The following KCNA2 variants were observed in gnomAD, a reference collection of about 807,000 sequenced individuals.
KCNA2 encodes potassium voltage-gated channel subfamily A member 2, also known as potassium channel, voltage gated shaker related subfamily A, member 2.
A neutral mutation model predicts 33.4 loss-of-function variants in KCNA2; 11 were observed. That is an observed-to-expected ratio of 0.33 (90% confidence interval 0.21 to 0.55). KCNA2 has a LOEUF of 0.55. KCNA2 is among the 20% of genes least tolerant of loss of function. KCNA2 has a pLI of 0.93. For synonymous variants in KCNA2, 222 were observed against 231.3 expected (o/e 0.96, Z 0.37); for missense variants, 291 against 621.6 (o/e 0.47, Z 5.66).
rs1427316190 is a variant in KCNA2 at position 110,601,298 on chromosome 1, G to C, written c.*1985C>G. 6.1e-6 allele frequency: 6 copies of C among 985,270 alleles called. No homozygotes were observed. The highest frequency in any genetic ancestry group is 7.2e-6 in the Non-Finnish European group (6 of 829,932). The allele number at this position is 985,270 out of a possible 1,614,324, so 61.0% of individuals were successfully genotyped here. ...TCCACATAGAGGAGGCTCCCTTTAG[G>C]TCCAGATCAGTGGAATTTGGTCCCA... On this transcript the variant is annotated 3_prime_UTR_variant, in exon 3 of 3. Transcript: ENST00000316361.
chr1:110,624,251 C>G (rs1248979278), intron 1 of KCNA2, among the ~76,000 whole-genome samples: 1 of 152,224 alleles, frequency 6.6e-6, no homozygotes, highest in Non-Finnish European at 1.5e-5. Context: ...CAAATGTCCA[C>G]CAACTGCTGG....
Position 110,600,547 on chromosome 1 carries a change from G to A in KCNA2, c.*2736C>T, listed in dbSNP as rs577114988. On this transcript the variant is annotated 3_prime_UTR_variant, in exon 3 of 3. Transcript: ENST00000316361. ...AACCTGGTCTGTCTGTATTTTGCACGTTACATGTTTTATGTTTGTGTGTGA... is the reference window on the plus strand; with the variant it reads ...AACCTGGTCTGTCTGTATTTTGCACATTACATGTTTTATGTTTGTGTGTGA... The A allele has an allele frequency of 2.3e-4, 225 of 985,152 alleles. No homozygotes were observed. In the African/African-American group the frequency reaches 3.4e-3, roughly 15 times the overall value. The allele number at this position is 985,152 out of a possible 1,614,324, so 61.0% of individuals were successfully genotyped here.
upstream of KCNA2, among the ~76,000 whole-genome samples, chr1:110,609,647 A>G (rs1003339212): frequency 6.6e-6 from 1 of 152,148 alleles, no homozygotes; most frequent in African/African-American, 2.4e-5. Flanking sequence ...ACTTGGCCTC[A>G]GGGGTATGTT....
At position 110,593,802 on chromosome 1, in the gene KCNA2, T is replaced by G; in HGVS notation, c.*9481A>C. 6.7e-7 allele frequency: 1 copy of G among 1,493,428 alleles called. No individual in the cohort carries two copies. The highest frequency in any genetic ancestry group is 9.1e-7 in the Non-Finnish European group (1 of 1,100,876). The allele number at this position is 1,493,428 out of a possible 1,614,324, so 92.5% of individuals were successfully genotyped here. A position where few individuals can be genotyped will look rare whatever the true frequency, so the allele number is the denominator to read the frequency against. ...CCTATGTACAAATATCAGACCCTACTGACACAGGAACTCTCAGCTGCAGAA... is the reference window on the plus strand; with the variant it reads ...CCTATGTACAAATATCAGACCCTACGGACACAGGAACTCTCAGCTGCAGAA... On this transcript the variant is annotated 3_prime_UTR_variant, in exon 3 of 3. Transcript: ENST00000316361.
chr1:110,629,832 A>G (rs1650499574), intron 1 of KCNA2, among the ~76,000 whole-genome samples: 2 of 152,240 alleles, frequency 1.3e-5, no homozygotes, highest in African/African-American at 4.8e-5. Context: ...GACGAGAGAA[A>G]AACGAGGAGA....
chr1:110,625,583 CA>C (rs1355340871), intron 1 of KCNA2, among the ~76,000 whole-genome samples: 5 of 151,852 alleles, frequency 3.3e-5, no homozygotes, highest in African/African-American at 1.2e-4. Context: ...AGCCATAAAA[CA>C]AAAAATTGAT....
Position 110,597,037 on chromosome 1 carries a change from C to T in KCNA2, c.*6246G>A. ...TTATTTCACTAATGTCATGCCCTAA[C>T]CACCCAAACTTCTATCCCTGTAGAC... On this transcript the variant is annotated 3_prime_UTR_variant, in exon 3 of 3. Coordinates refer to ENST00000316361, the MANE Select transcript of KCNA2 (RefSeq NM_004974.4). 1 of 985,450 alleles carries T rather than the reference C, an allele frequency of 1.0e-6. No homozygotes were observed. The highest frequency in any genetic ancestry group is 4.7e-5 in the South Asian group (1 of 21,284). 61.0% of individuals were successfully genotyped at this position (985,450 alleles called of 1,614,324 possible). A position where few individuals can be genotyped will look rare whatever the true frequency, so the allele number is the denominator to read the frequency against.
chr1:110,604,943 T>C lies in KCNA2; in HGVS notation c.-161A>G. On this transcript the variant is annotated splice_region_variant and 5_prime_UTR_variant, in exon 3 of 3. Coordinates refer to ENST00000316361, the MANE Select transcript of KCNA2 (RefSeq NM_004974.4). The surrounding 1 kb of genome is among the most constrained non-coding windows in gnomAD (Gnocchi z 7.6). Reference sequence around the variant, plus strand: ...TGAGAGCTGGAGAGACAGCCTCGCTTGGCTGAAAGACAGAGGCAGTTATTG... The same window carrying C: ...TGAGAGCTGGAGAGACAGCCTCGCTCGGCTGAAAGACAGAGGCAGTTATTG... 1.5e-6 allele frequency: 1 copy of C among 675,020 alleles called. No homozygotes were observed. Among genetic ancestry groups the C allele is most frequent in the South Asian group, 2.0e-5 (1 of 51,130 alleles). 41.8% of individuals were successfully genotyped at this position (675,020 alleles called of 1,614,324 possible). A position where few individuals can be genotyped will look rare whatever the true frequency, so the allele number is the denominator to read the frequency against.
rs1004025727 is a variant in KCNA2, at chr1:110,597,130, T to A, written c.*6153A>T. 9 of 985,428 alleles carry A rather than the reference T, an allele frequency of 9.1e-6. No individual in the cohort carries two copies. The highest frequency in any genetic ancestry group is 1.1e-5 in the Non-Finnish European group (9 of 829,956). 61.0% of individuals were successfully genotyped at this position (985,428 alleles called of 1,614,324 possible). On this transcript the variant is annotated 3_prime_UTR_variant, in exon 3 of 3. Transcript: ENST00000316361. ...CACGGAGTCCCTTTGGTTGAGCAAG[T>A]CAGCTTATTTTGAAAGAGAGTCAGA...
Position 110,604,307 on chromosome 1 carries a change from G to A in KCNA2, c.476C>T (p.Ser159Leu). 3 of 1,614,128 alleles carry A rather than the reference G, an allele frequency of 1.9e-6. No homozygotes were observed. The highest frequency in any genetic ancestry group is 2.5e-6 in the Non-Finnish European group (3 of 1,180,024). ...AATAGCTATAATCCTGGCAGGCCCT[G>A]AGCTCTCTGGGTATTCAAAGAGAAG... ...VWLLFEYPES[S>L]GPARIIAIVS... is the part of the protein sequence containing the mutation. The change falls in exon 3 of 3, where the codon TCA becomes TTA. Residue 159 changes from serine to leucine, a missense_variant. This residue lies in a region of KCNA2 where 163 missense variants were observed against 273.5 expected (regional missense o/e 0.60). Transcript: ENST00000316361. This position sits in a 1 kb window ranked among gnomAD's most constrained non-coding sequence, Gnocchi z 7.6.
chr1:110,602,339 G>A lies in KCNA2; in HGVS notation c.*944C>T, dbSNP rs1649398700. Reference sequence around the variant, plus strand: ...TTAATACTCTAAATATTAACACTGTGTAGGCTACTAGGAAAATAGGTTATC... The same window carrying A: ...TTAATACTCTAAATATTAACACTGTATAGGCTACTAGGAAAATAGGTTATC... On this transcript the variant is annotated 3_prime_UTR_variant, in exon 3 of 3. Transcript: ENST00000316361. 7.0e-7 allele frequency: 1 copy of A among 1,423,766 alleles called. No homozygotes were observed. Among genetic ancestry groups the A allele is most frequent in the African/African-American group, 1.4e-5 (1 of 69,644 alleles). The allele number at this position is 1,423,766 out of a possible 1,614,324, so 88.2% of individuals were successfully genotyped here.
At position 110,606,254 on chromosome 1, in the gene KCNA2, G is replaced by A. The variant is rs1455199153; in HGVS notation, c.-522C>T. 6.6e-6 allele frequency: 1 copy of A among 152,616 alleles called. No individual in the cohort carries two copies. Among genetic ancestry groups the A allele is most frequent in the Admixed American group, 6.5e-5 (1 of 15,290 alleles). The allele number at this position is 152,616 out of a possible 1,614,324, so 9.5% of individuals were successfully genotyped here. A position where few individuals can be genotyped will look rare whatever the true frequency, so the allele number is the denominator to read the frequency against. Reference sequence around the variant, plus strand: ...CTCCCTCCGGGATCCCTGGGCCGCAGGCCTCCCTCTGAGCCGGGTGGCATT... The same window carrying A: ...CTCCCTCCGGGATCCCTGGGCCGCAAGCCTCCCTCTGAGCCGGGTGGCATT... On this transcript the variant is annotated 5_prime_UTR_variant, in exon 1 of 3. Transcript: ENST00000316361.
chr1:110,594,175 A>T lies in KCNA2; in HGVS notation c.*9108T>A, dbSNP rs562605393. 2 of 1,264,990 alleles carry T rather than the reference A, an allele frequency of 1.6e-6. No individual in the cohort carries two copies. The highest frequency in any genetic ancestry group is 1.5e-5 in the African/African-American group (1 of 65,056). 78.4% of individuals were successfully genotyped at this position (1,264,990 alleles called of 1,614,324 possible). The stretch of plus-strand genomic sequence containing the variant: ...TTTCAGCAATTATTAGAGACAGGAC[A>T]TGGGAGGGCAGCTGAAGATTCATGC... On this transcript the variant is annotated 3_prime_UTR_variant, in exon 3 of 3. Transcript: ENST00000316361.
In KCNA2 at chr1:110,597,987, T is replaced by C. The variant is rs1649169565; in HGVS notation, c.*5296A>G. ...GGTTGCTTTGATAGGGGAACAGGGT[T>C]GGACTCAACAAGGGCTAAGTCTGAA... On this transcript the variant is annotated 3_prime_UTR_variant, in exon 3 of 3. Coordinates refer to ENST00000316361, the MANE Select transcript of KCNA2 (RefSeq NM_004974.4). 3 of 985,380 alleles carry C rather than the reference T, an allele frequency of 3.0e-6. No homozygotes were observed. The South Asian group carries it at 1.4e-4, about 46-fold the overall frequency. The allele number at this position is 985,380 out of a possible 1,614,324, so 61.0% of individuals were successfully genotyped here.
intron 1 of KCNA2, among the ~76,000 whole-genome samples, chr1:110,612,146 C>T (rs1649894171): frequency 6.6e-6 from 1 of 152,088 alleles, no homozygotes; most frequent in Non-Finnish European, 1.5e-5. Flanking sequence ...TACCATGAGG[C>T]CCCCTGCTGC....
chr1:110,615,001 G>A (rs1429725547), intron 1 of KCNA2, among the ~76,000 whole-genome samples: 2 of 152,228 alleles, frequency 1.3e-5, no homozygotes, highest in Non-Finnish European at 2.9e-5. Context: ...GTGCAAACCT[G>A]ATGCTCAGTG....
Position 110,600,340 on chromosome 1 carries a change from A to G in KCNA2, c.*2943T>C. ...TGGTAAAGTAGCCTTTGTGTATCTT[A>G]TATGCATATGCATTTTGTCCATGTA... On this transcript the variant is annotated 3_prime_UTR_variant, in exon 3 of 3. Coordinates refer to ENST00000316361, the MANE Select transcript of KCNA2 (RefSeq NM_004974.4). 2.0e-6 allele frequency: 2 copies of G among 984,272 alleles called. No homozygotes were observed. The highest frequency in any genetic ancestry group is 2.4e-6 in the Non-Finnish European group (2 of 829,752). 61.0% of individuals were successfully genotyped at this position (984,272 alleles called of 1,614,324 possible).
Position 110,602,269 on chromosome 1 carries a change from T to C in KCNA2, c.*1014A>G, listed in dbSNP as rs534684383. On this transcript the variant is annotated 3_prime_UTR_variant, in exon 3 of 3. Transcript: ENST00000316361. ...TTCCCCTGATGGAGGGATTTTTGCC[T>C]TCTGATGGGAAAAAAACCCCTAGTT... is the stretch of plus-strand genomic sequence containing the variant. The C allele has an allele frequency of 1.4e-5, 21 of 1,512,078 alleles. No homozygotes were observed. Among genetic ancestry groups the C allele is most frequent in the Admixed American group, 2.1e-5 (1 of 47,798 alleles). The allele number at this position is 1,512,078 out of a possible 1,614,324, so 93.7% of individuals were successfully genotyped here. A position where few individuals can be genotyped will look rare whatever the true frequency, so the allele number is the denominator to read the frequency against.
intron 1 of KCNA2, among the ~76,000 whole-genome samples, chr1:110,617,789 T>G (rs1271928187): frequency 1.3e-5 from 2 of 152,168 alleles, no homozygotes; most frequent in Non-Finnish European, 2.9e-5. Context: ...GAAGTGCATG[T>G]GCACCTGTGT....
Sources: gnomAD v4.1 joint callset for allele counts (sites outside exome capture counted in the v4.1 genomes callset) on GRCh38, gnomAD v4.1.1 for gene constraint, gnomAD v4.1.1 regional missense constraint, Gnocchi (gnomAD v3.1) non-coding constraint, MANE v1.5 for transcripts, NCBI Gene and HGNC (gene_info 2026-07-23, HGNC 2026-07-21) for gene names.